GAB2: variants seen among roughly 807,000 people sequenced by gnomAD.
GAB2 encodes GRB2-associated-binding protein 2.
GAB2 carries 26 observed loss-of-function variants against 65.5 expected under a neutral mutation model. The observed-to-expected ratio is 0.40, with a 90% CI of 0.29 to 0.55. The LOEUF (loss-of-function observed/expected upper bound fraction) is 0.55, where lower values mean the gene tolerates loss of function less well. GAB2 is among the 20% of genes least tolerant of loss of function. GAB2 has a pLI of 0.53. For missense variants in GAB2, 884 were observed against 875.8 expected, an observed-to-expected ratio of 1.01 and a Z score of -0.12; for synonymous variants, 321 against 329.6, an observed-to-expected ratio of 0.97 and a Z score of 0.28.
intron 3 of GAB2, among the ~76,000 whole-genome samples, chr11:78,241,340 T>G (rs917270193): frequency 6.6e-6 from 1 of 152,144 alleles, no homozygotes; most frequent in Admixed American, 6.5e-5. Flanking sequence ...CCAGAAAGTC[T>G]GGAAGAGGTG....
intron 1 of GAB2, among the ~76,000 whole-genome samples, chr11:78,366,464 T>C (rs1856498176): frequency 6.6e-6 from 1 of 151,516 alleles, no homozygotes; most frequent in African/African-American, 2.4e-5. Context: ...TGCATGTCTG[T>C]AGTCCCAGCT....
chr11:78,364,481 A>G (rs962010415), intron 1 of GAB2, among the ~76,000 whole-genome samples: 5 of 152,254 alleles, frequency 3.3e-5, no homozygotes, highest in Non-Finnish European at 5.9e-5. Context: ...AACTGGACAC[A>G]ATACATGCTA....
Position 78,225,172 on chromosome 11 carries a change from T to C in GAB2, c.1238A>G (p.Gln413Arg). The C allele has an allele frequency of 6.2e-7, 1 of 1,613,018 alleles. No individual in the cohort carries two copies. The highest frequency in any genetic ancestry group is 1.7e-5 in the Admixed American group (1 of 60,016). The change falls in exon 5 of 10, where the codon CAG becomes CGG. Residue 413 changes from glutamine to arginine, a missense_variant. Coordinates refer to ENST00000361507, the MANE Select transcript of GAB2 (RefSeq NM_080491.3). ...ASSCETYEYPQRGGESAGRSA... is the reference protein window; with the variant it reads ...ASSCETYEYPRRGGESAGRSA... ...CCGGCCTGCACTCTCTCCACCACGC[T>C]GTGGGTACTCGTAGGTCTCACAGGA... is the stretch of plus-strand genomic sequence containing the variant.
At position 78,217,071 on chromosome 11, in the gene GAB2, A is replaced by T. The variant is rs1448163096; in HGVS notation, c.*2201T>A. On this transcript the variant is annotated 3_prime_UTR_variant, in exon 10 of 10. Coordinates refer to ENST00000361507, the MANE Select transcript of GAB2 (RefSeq NM_080491.3). ...AAGCCCTGCCCTCCTCCTCTGTAAA[A>T]ATCTGACTCATCCCCTTCTAAGGCC... 6.6e-6 allele frequency: 1 copy of T among 152,278 alleles called. No individual in the cohort carries two copies. The highest frequency in any genetic ancestry group is 2.4e-5 in the African/African-American group (1 of 41,352). The allele number at this position is 152,278 out of a possible 1,614,324, so 9.4% of individuals were successfully genotyped here.
chr11:78,368,609 T>C (rs1056981130), intron 1 of GAB2, among the ~76,000 whole-genome samples: 73 of 152,142 alleles, frequency 4.8e-4, no homozygotes, highest in African/African-American at 1.4e-3. Context: ...TAAATACTAG[T>C]GCATACCAAA....
chr11:78,345,184 T>A (rs925456284), intron 1 of GAB2, among the ~76,000 whole-genome samples: 9 of 152,110 alleles, frequency 5.9e-5, no homozygotes, highest in Admixed American at 4.6e-4. Flanking sequence ...GAAGCTGAGG[T>A]AGGAGGATTC....
rs117589034 is a variant in GAB2, at chr11:78,215,645, C to G, written c.*3627G>C. On this transcript the variant is annotated 3_prime_UTR_variant, in exon 10 of 10. Coordinates refer to ENST00000361507, the MANE Select transcript of GAB2 (RefSeq NM_080491.3). ...ATTCTAGATTTCAAGACACAAGTAG[C>G]CAACAAATACACAACACATGCCACC... is the stretch of plus-strand genomic sequence containing the variant. 6.6e-6 allele frequency: 1 copy of G among 152,390 alleles called. No individual in the cohort carries two copies. Among genetic ancestry groups the G allele is most frequent in the East Asian group, 1.9e-4 (1 of 5,186 alleles). The allele number at this position is 152,390 out of a possible 1,614,324, so 9.4% of individuals were successfully genotyped here.
At chr11:78,304,019 G>T (rs935547844) in intron 1 of GAB2, among the ~76,000 whole-genome samples, 7 of 152,066 alleles carry the variant, frequency 4.6e-5, no homozygotes, top group East Asian at 1.9e-4. Context: ...TGAGGCCCAT[G>T]AATTATATTT....
chr11:78,408,857 C>T (rs1193410055), intron 1 of GAB2, among the ~76,000 whole-genome samples: 1 of 152,212 alleles, frequency 6.6e-6, no homozygotes, highest in Admixed American at 6.5e-5. Context: ...TCACCTTCCG[C>T]CATGACTGTA....
intron 3 of GAB2, among the ~76,000 whole-genome samples, chr11:78,237,947 T>C (rs1205301128): frequency 6.6e-6 from 1 of 152,346 alleles, no homozygotes; most frequent in Non-Finnish European, 1.5e-5. Context: ...AAGCACTACA[T>C]GTTCTCACTT....
intron 1 of GAB2, among the ~76,000 whole-genome samples, chr11:78,289,775 T>C (rs1866600635): frequency 1.4e-5 from 2 of 147,502 alleles, no homozygotes; most frequent in South Asian, 4.3e-4. Flanking sequence ...ATGAGGAAGG[T>C]AGGGTTTGAT....
At chr11:78,240,051 G>C (rs1865085429) in intron 3 of GAB2, among the ~76,000 whole-genome samples, 1 of 151,948 alleles carries the variant, frequency 6.6e-6, no homozygotes, top group Non-Finnish European at 1.5e-5. Flanking sequence ...TAATCCACCT[G>C]CCCCTCTCCC....
At chr11:78,333,506 G>T (rs1459823778) in intron 1 of GAB2, among the ~76,000 whole-genome samples, 2 of 152,146 alleles carry the variant, frequency 1.3e-5, no homozygotes, top group Admixed American at 6.5e-5. Context: ...GGCCTCAAGA[G>T]ATCTTTCCAT....
At position 78,218,665 on chromosome 11, in the gene GAB2, T is replaced by G. The variant is rs1864265866; in HGVS notation, c.*607A>C. The G allele has an allele frequency of 6.5e-6, 1 of 153,062 alleles. No individual in the cohort carries two copies. Among genetic ancestry groups the G allele is most frequent in the Non-Finnish European group, 1.5e-5 (1 of 68,326 alleles). The allele number at this position is 153,062 out of a possible 1,614,324, so 9.5% of individuals were successfully genotyped here. On this transcript the variant is annotated 3_prime_UTR_variant, in exon 10 of 10. Coordinates refer to ENST00000361507, the MANE Select transcript of GAB2 (RefSeq NM_080491.3). Reference sequence around the variant, plus strand: ...GTTCCCTGCAGATGTCAGCTTTCCCTCTTCATCTGGGCATCTAAGTCCTTT... The same window carrying G: ...GTTCCCTGCAGATGTCAGCTTTCCCGCTTCATCTGGGCATCTAAGTCCTTT...
At chr11:78,256,440 G>C (rs1288604435) in intron 2 of GAB2, among the ~76,000 whole-genome samples, 1 of 152,184 alleles carries the variant, frequency 6.6e-6, no homozygotes, top group African/African-American at 2.4e-5. Flanking sequence ...ATCTAGAAGA[G>C]GCAAATCTGC....
intron 2 of GAB2, among the ~76,000 whole-genome samples, chr11:78,269,315 C>A (rs1396083617): frequency 6.6e-6 from 1 of 152,056 alleles, no homozygotes; most frequent in Non-Finnish European, 1.5e-5. Flanking sequence ...AAAACAAAAC[C>A]CAAAAGGTCA....
At chr11:78,242,889 G>A (rs1198234700) in intron 3 of GAB2, among the ~76,000 whole-genome samples, 4 of 152,186 alleles carry the variant, frequency 2.6e-5, no homozygotes, top group African/African-American at 7.2e-5. Flanking sequence ...CAGTCTGGGT[G>A]TGGTGGCTCA....
intron 3 of GAB2, among the ~76,000 whole-genome samples, chr11:78,249,734 G>T (rs1345472468): frequency 6.6e-6 from 1 of 152,084 alleles, no homozygotes; most frequent in Non-Finnish European, 1.5e-5. Context: ...GTAGACATAT[G>T]CAGGTAGTAG....
intron 3 of GAB2, among the ~76,000 whole-genome samples, chr11:78,229,598 T>C (rs1427943355): frequency 6.6e-6 from 1 of 152,224 alleles, no homozygotes; most frequent in Middle Eastern, 3.2e-3. Flanking sequence ...GCCCAGGGCC[T>C]CTCTGATCCT....
Sources: gnomAD v4.1 joint callset for allele counts (sites outside exome capture counted in the v4.1 genomes callset) on GRCh38, gnomAD v4.1.1 for gene constraint, MANE v1.5 for transcripts, NCBI Gene and HGNC (gene_info 2026-07-23, HGNC 2026-07-21) for gene names.